The following TARS3 variants were observed in gnomAD, a reference collection of about 807,000 sequenced individuals.
The protein encoded by TARS3 is threonine--tRNA ligase 2, cytoplasmic.
Under a neutral mutation model 103.5 loss-of-function variants are expected in TARS3, and 94 were observed. The observed-to-expected ratio is 0.91, with a 90% CI of 0.77 to 1.08. The LOEUF is 1.08. TARS3 is among the 50% of genes least tolerant of loss of function. TARS3 has a pLI of 0.00. For missense variants in TARS3, 952 were observed against 995.2 expected (o/e 0.96, Z 0.58); for synonymous variants, 416 against 355.4 (o/e 1.17, Z -1.92).
At chr15:101,685,012 G>C (rs1898407103) in intron 11 of TARS3, among the ~76,000 whole-genome samples, 1 of 152,110 alleles carries the variant, frequency 6.6e-6, no homozygotes, top group South Asian at 2.1e-4. Flanking sequence ...TAGAAAGAGA[G>C]GATACAGAAT....
intron 18 of TARS3, chr15:101,655,744 C>T (rs1287756542): frequency 5.4e-5 from 57 of 1,051,338 alleles, no homozygotes; most frequent in Non-Finnish European, 7.0e-5. Context: ...CTGACCCCAC[C>T]TGGCACTAGG....
chr15:101,677,371 C>A (rs1188088263), intron 12 of TARS3, among the ~76,000 whole-genome samples: 1 of 152,192 alleles, frequency 6.6e-6, no homozygotes, highest in East Asian at 1.9e-4. Flanking sequence ...CTCCTGTTCT[C>A]AGACACTGGA....
intron 12 of TARS3, among the ~76,000 whole-genome samples, chr15:101,678,837 C>T (rs922027157): frequency 6.6e-6 from 1 of 152,152 alleles, no homozygotes; most frequent in Non-Finnish European, 1.5e-5. Flanking sequence ...TTCCTACAGC[C>T]ATTCTTTTGG....
intron 13 of TARS3, among the ~76,000 whole-genome samples, chr15:101,674,762 G>A (rs774527263): frequency 1.3e-5 from 2 of 150,660 alleles, no homozygotes; most frequent in East Asian, 1.9e-4. Flanking sequence ...CTGAGATCGC[G>A]CCACTGCACT....
chr15:101,700,932 G>A (rs1188797109), intron 10 of TARS3, among the ~76,000 whole-genome samples, 154 bp downstream of exon 10: 5 of 152,136 alleles, frequency 3.3e-5, no homozygotes, highest in Admixed American at 1.3e-4. Flanking sequence ...GTGAGCCACC[G>A]TGTCTGGCCA....
At position 101,671,800 on chromosome 15, in the gene TARS3, T is replaced by C. The variant is rs776076037; in HGVS notation, c.1789-52A>G. On this transcript the variant is annotated intron_variant, in intron 13 of 18. Coordinates refer to ENST00000335968, the MANE Select transcript of TARS3 (RefSeq NM_152334.3). ...AATTATACACTGTATCTTTTTTTTT[T>C]ACATACAGCTCACAAAAGTTACTAT... The C allele has an allele frequency of 4.2e-6, 6 of 1,415,696 alleles. No individual in the cohort carries two copies. In the South Asian group the frequency reaches 7.5e-5, roughly 18 times the overall value. The allele number at this position is 1,415,696 out of a possible 1,614,324, so 87.7% of individuals were successfully genotyped here. A position where few individuals can be genotyped will look rare whatever the true frequency, so the allele number is the denominator to read the frequency against.
At chr15:101,693,813 G>A (rs1262510729) in intron 10 of TARS3, among the ~76,000 whole-genome samples, 1 of 152,110 alleles carries the variant, frequency 6.6e-6, no homozygotes, top group Non-Finnish European at 1.5e-5. Flanking sequence ...TTTTATAAAA[G>A]TATGATTCCA....
intron 2 of TARS3, among the ~76,000 whole-genome samples, chr15:101,722,205 G>A (rs551200339): frequency 6.9e-6 from 1 of 144,630 alleles, no homozygotes; most frequent in African/African-American, 2.5e-5. Context: ...TATTTTACCC[G>A]CTGGCATCTC....
At chr15:101,657,061 C>T in intron 17 of TARS3, 25 bp from the exon 18 acceptor site, 1 of 1,456,728 alleles carries the variant, frequency 6.9e-7, no homozygotes, top group Admixed American at 1.7e-5. Context: ...AACACCTTTA[C>T]TGTTACATTA....
chr15:101,653,755 A>G lies in TARS3; in HGVS notation c.*827T>C, dbSNP rs573381203. The G allele has an allele frequency of 5.3e-5, 8 of 152,374 alleles. No homozygotes were observed. The South Asian group carries it at 1.7e-3, about 32-fold the overall frequency. The allele number at this position is 152,374 out of a possible 1,614,324, so 9.4% of individuals were successfully genotyped here. On this transcript the variant is annotated 3_prime_UTR_variant, in exon 19 of 19. Transcript: ENST00000335968. The stretch of plus-strand genomic sequence containing the variant: ...ACAATACTTCTTGTTTGGTAGCTGA[A>G]TTCTCTATTGACATAATGCCATTTT...
Position 101,701,204 on chromosome 15 carries a change from G to C in TARS3, c.1222-20C>G. ...TTGTTCCTAGATTGAAACAAAAATTGCATTTCAAATGTCATCTGCTATTGC... is the reference window on the plus strand; with the variant it reads ...TTGTTCCTAGATTGAAACAAAAATTCCATTTCAAATGTCATCTGCTATTGC... On this transcript the variant is annotated intron_variant, in intron 9 of 18. Coordinates refer to ENST00000335968, the MANE Select transcript of TARS3 (RefSeq NM_152334.3). The C allele has an allele frequency of 2.7e-6, 4 of 1,506,392 alleles. No homozygotes were observed. The highest frequency in any genetic ancestry group is 3.6e-6 in the Non-Finnish European group (4 of 1,105,894). 93.3% of individuals were successfully genotyped at this position (1,506,392 alleles called of 1,614,324 possible).
rs755659063 is a variant in TARS3, at chr15:101,694,931, A to AT, written c.1320+6154dup. ...AAATTAGTGTTTAGTGGGTACAGAGATTAAGTGTAGGATGATGACAAAGTC... is the reference window on the plus strand; with the variant it reads ...AAATTAGTGTTTAGTGGGTACAGAGATTTAAGTGTAGGATGATGACAAAGTC... On this transcript the variant is annotated intron_variant, in intron 10 of 18. Transcript: ENST00000335968. Among the ~76,000 whole-genome samples, 6 of 152,296 alleles carry AT rather than the reference A, an allele frequency of 3.9e-5. No individual in the cohort carries two copies. In the East Asian group the frequency reaches 1.2e-3, roughly 29 times the overall value.
At chr15:101,696,342 T>G (rs541625232) in intron 10 of TARS3, among the ~76,000 whole-genome samples, 13 of 152,242 alleles carry the variant, frequency 8.5e-5, no homozygotes, top group African/African-American at 3.1e-4. Context: ...TTGCTTCATA[T>G]TCTTGCCAAT....
At chr15:101,703,480 C>T (rs1234369381) in intron 8 of TARS3, among the ~76,000 whole-genome samples, 1 of 152,028 alleles carries the variant, frequency 6.6e-6, no homozygotes, top group East Asian at 1.9e-4. Context: ...ATCACAGCTC[C>T]TCAGGAGGCT....
chr15:101,659,326 A>G (rs1218447358), intron 16 of TARS3, among the ~76,000 whole-genome samples: 1 of 152,224 alleles, frequency 6.6e-6, no homozygotes. Context: ...TTACAAACAC[A>G]AAACAATACA....
intron 10 of TARS3, chr15:101,696,074 T>C (rs1171645842): frequency 2.0e-5 from 3 of 150,916 alleles, no homozygotes; most frequent in African/African-American, 4.9e-5. Flanking sequence ...CCAGGCATGG[T>C]GGTGGCAGGC....
In TARS3 at chr15:101,672,555, C is replaced by T. The variant is rs1045350298; in HGVS notation, c.1789-807G>A. 7.2e-5 allele frequency among the ~76,000 whole-genome samples: 11 copies of T among 152,050 alleles called. No individual in the cohort carries two copies. The East Asian group carries it at 1.7e-3, about 24-fold the overall frequency. The stretch of plus-strand genomic sequence containing the variant: ...ACGCGCCTCATGGGGAAATCAGAGC[C>T]GTGGCAGAGTCTTAGGGCCGAAGCT... On this transcript the variant is annotated intron_variant, in intron 13 of 18. Transcript: ENST00000335968.
intron 2 of TARS3, among the ~76,000 whole-genome samples, chr15:101,721,972 T>A (rs1900488013): frequency 6.6e-6 from 1 of 152,234 alleles, no homozygotes; most frequent in African/African-American, 2.4e-5. Flanking sequence ...AACTGTAAGC[T>A]AATCTAAGTG....
At position 101,671,534 on chromosome 15, in the gene TARS3, A is replaced by G. The variant is rs1567327799; in HGVS notation, c.1919T>C (p.Ile640Thr). The change falls in exon 15 of 19, where the codon ATT becomes ACT. Residue 640 changes from isoleucine to threonine, a missense_variant. Ile to Thr is a moderately conservative substitution (Grantham distance 89). Transcript: ENST00000335968. ...AATAGGCAGTTGGAAGTCCAGCTGA[A>G]TTGTAGCACATTGATGGTATCTGCC... is the stretch of plus-strand genomic sequence containing the variant. ...AIGRYHQCAT[I>T]QLDFQLPIRF... 6.2e-7 allele frequency: 1 copy of G among 1,611,964 alleles called. No individual in the cohort carries two copies. Among genetic ancestry groups the G allele is most frequent in the Non-Finnish European group, 8.5e-7 (1 of 1,178,138 alleles).
Sources: gnomAD v4.1 joint callset for allele counts (sites outside exome capture counted in the v4.1 genomes callset) on GRCh38, gnomAD v4.1.1 for gene constraint, MANE v1.5 for transcripts, NCBI Gene and HGNC (gene_info 2026-07-23, HGNC 2026-07-21) for gene names.